GATAD2A: variants seen among roughly 807,000 people sequenced by gnomAD.
GATAD2A encodes transcriptional repressor p66-alpha.
GATAD2A carries 12 observed loss-of-function variants against 68.5 expected under a neutral mutation model. That is an observed-to-expected ratio of 0.18 (90% CI 0.11 to 0.28). The LOEUF (loss-of-function observed/expected upper bound fraction) is 0.28, where lower values mean the gene tolerates loss of function less well. Among genes scored for constraint, GATAD2A ranks in the 10% least tolerant of loss-of-function variants. The pLI is 1.00. For missense variants in GATAD2A, 755 were observed against 868.5 expected (o/e 0.87, Z 1.64); for synonymous variants, 410 against 375.3 (o/e 1.09, Z -1.07).
intron 1 of GATAD2A, among the ~76,000 whole-genome samples, chr19:19,430,549 C>T (rs2053609268): frequency 2.0e-5 from 3 of 152,154 alleles, no homozygotes; most frequent in Non-Finnish European, 4.4e-5. Context: ...GGATGCAGAA[C>T]TAGTTGAAAA....
At chr19:19,449,803 T>A (rs1216482607) in intron 1 of GATAD2A, among the ~76,000 whole-genome samples, 2 of 152,128 alleles carry the variant, frequency 1.3e-5, no homozygotes, top group African/African-American at 4.8e-5. Flanking sequence ...CTAAAAAACT[T>A]AATAAATTGA....
At chr19:19,392,725 C>T (rs1227735537) in intron 1 of GATAD2A, among the ~76,000 whole-genome samples, 3 of 142,236 alleles carry the variant, frequency 2.1e-5, no homozygotes. Flanking sequence ...AGAGCAGAGT[C>T]TTGCTCTGTC....
chr19:19,469,345 T>C (rs1026027825), intron 2 of GATAD2A, among the ~76,000 whole-genome samples: 1 of 147,744 alleles, frequency 6.8e-6, no homozygotes, highest in East Asian at 2.0e-4. Flanking sequence ...GGCAGGAAAA[T>C]GGTGTGAACC....
At chr19:19,466,165 T>G (rs1275089284) in intron 2 of GATAD2A, among the ~76,000 whole-genome samples, 4 of 152,208 alleles carry the variant, frequency 2.6e-5, no homozygotes, top group Non-Finnish European at 5.9e-5. Flanking sequence ...ACTGATTACT[T>G]CAAGAGTGAC....
Position 19,494,349 on chromosome 19 carries a change from C to T in GATAD2A, c.590C>T (p.Thr197Ile), listed in dbSNP as rs1392195677. 3 of 1,612,396 alleles carry T rather than the reference C, an allele frequency of 1.9e-6. No homozygotes were observed. The highest frequency in any genetic ancestry group is 1.3e-5 in the African/African-American group (1 of 74,932). ...VTTPPPLVRG[T>I]QNIPAGKPSL... ...ACCCCTCCCCCGCTTGTTCGGGGCA[C>T]TCAGAACATTCCTGCTGGCAAGCCA... is the stretch of plus-strand genomic sequence containing the variant. The change falls in exon 5 of 12, where the codon ACT becomes ATT. Residue 197 changes from threonine to isoleucine, a missense_variant. Coordinates refer to ENST00000683918, the MANE Select transcript of GATAD2A (RefSeq NM_001384528.1).
chr19:19,448,079 C>A (rs945487847), intron 1 of GATAD2A, among the ~76,000 whole-genome samples: 1 of 152,206 alleles, frequency 6.6e-6, no homozygotes, highest in African/African-American at 2.4e-5. Flanking sequence ...GCAGGCGTAA[C>A]CCTTCGTAGG....
chr19:19,439,933 C>G (rs1378083458), intron 1 of GATAD2A, among the ~76,000 whole-genome samples: 1 of 152,142 alleles, frequency 6.6e-6, no homozygotes, highest in Non-Finnish European at 1.5e-5. Flanking sequence ...GGAAATGTAT[C>G]CGAAACATGG....
intron 1 of GATAD2A, among the ~76,000 whole-genome samples, chr19:19,415,877 C>A (rs1259310878): frequency 6.6e-6 from 1 of 151,464 alleles, no homozygotes. Flanking sequence ...TGGCCTCCCC[C>A]AAAGTTGGAA....
At chr19:19,478,043 G>A (rs960443870) in intron 2 of GATAD2A, among the ~76,000 whole-genome samples, 2 of 152,230 alleles carry the variant, frequency 1.3e-5, no homozygotes, top group African/African-American at 4.8e-5. Flanking sequence ...AGCAATTATA[G>A]TGTATCTTTG....
intron 1 of GATAD2A, among the ~76,000 whole-genome samples, chr19:19,410,033 A>G (rs1378109697): frequency 6.6e-6 from 1 of 152,178 alleles, no homozygotes; most frequent in East Asian, 1.9e-4. Flanking sequence ...AGGGGCCCTC[A>G]GTGAGAATGT....
At position 19,497,945 on chromosome 19, in the gene GATAD2A, C is replaced by A. The variant is rs1440610589; in HGVS notation, c.925-498C>A. On this transcript the variant is annotated intron_variant, in intron 7 of 11. Coordinates refer to ENST00000683918, the MANE Select transcript of GATAD2A (RefSeq NM_001384528.1). The stretch of plus-strand genomic sequence containing the variant: ...TTGGCCTAGGAGCTGCTTCCCCCAT[C>A]GCCCCATAAGGACTCGGGGACTACC... Among the ~76,000 whole-genome samples the A allele has an allele frequency of 2.6e-5, 4 of 152,260 alleles. No individual in the cohort carries two copies. In the East Asian group the frequency reaches 7.7e-4, roughly 29 times the overall value.
chr19:19,447,278 C>T (rs552772294), intron 1 of GATAD2A, among the ~76,000 whole-genome samples: 54 of 152,108 alleles, frequency 3.6e-4, no homozygotes, highest in Non-Finnish European at 6.8e-4. Flanking sequence ...GTCAGTGTGG[C>T]TCCAGCTGAG....
intron 1 of GATAD2A, among the ~76,000 whole-genome samples, chr19:19,460,226 C>T (rs1032000228): frequency 1.1e-4 from 17 of 152,206 alleles, no homozygotes; most frequent in African/African-American, 2.9e-4. Context: ...GGAGCTTCCT[C>T]GGGCTATGCT....
chr19:19,479,527 T>C (rs2058906664), intron 2 of GATAD2A, among the ~76,000 whole-genome samples: 1 of 152,210 alleles, frequency 6.6e-6, no homozygotes, highest in Non-Finnish European at 1.5e-5. Context: ...CTTTCTTTGT[T>C]TTGGGTTACC....
intron 1 of GATAD2A, chr19:19,428,049 T>C (rs1342686110): frequency 2.6e-5 from 4 of 152,186 alleles, no homozygotes; most frequent in Admixed American, 2.0e-4. Flanking sequence ...TACAGCAGTG[T>C]GTTGGTATTT....
At chr19:19,398,202 C>T (rs968125225) in intron 1 of GATAD2A, among the ~76,000 whole-genome samples, 5 of 147,436 alleles carry the variant, frequency 3.4e-5, no homozygotes, top group Middle Eastern at 3.5e-3. Context: ...TGCTAACCGC[C>T]TTATTTATTT....
upstream of GATAD2A, among the ~76,000 whole-genome samples, chr19:19,401,104 C>T (rs1320763320): frequency 7.3e-6 from 1 of 137,572 alleles, no homozygotes; most frequent in Non-Finnish European, 1.5e-5. Flanking sequence ...GATGCCACTG[C>T]ACTCCAGCCT....
At chr19:19,452,044 TAGG>T (rs900497944) in intron 1 of GATAD2A, among the ~76,000 whole-genome samples, 2 of 152,066 alleles carry the variant, frequency 1.3e-5, no homozygotes, top group Non-Finnish European at 2.9e-5. Flanking sequence ...GACTCAGAAG[TAGG>T]AGGAGGGGAT....
intron 1 of GATAD2A, chr19:19,436,051 A>G (rs189321004): frequency 2.8e-5 from 19 of 674,630 alleles, no homozygotes; most frequent in Non-Finnish European, 2.7e-5. Context: ...TCCAGGGGTT[A>G]GAGACATTTT....
Sources: allele counts gnomAD v4.1 joint callset (sites outside exome capture counted in the v4.1 genomes callset), GRCh38; gene constraint gnomAD v4.1.1; transcripts MANE v1.5; gene names NCBI Gene and HGNC (gene_info 2026-07-23, HGNC 2026-07-21).